Variants in NFATC3 observed in about 807,000 individuals in gnomAD.
The protein encoded by NFATC3 is nuclear factor of activated T-cells, cytoplasmic 3.
NFATC3 carries 46 observed loss-of-function variants against 98.6 expected under a neutral mutation model. That is an observed-to-expected ratio of 0.47 (90% CI 0.37 to 0.60). NFATC3 has a LOEUF of 0.60. NFATC3 is among the 20% of genes least tolerant of loss of function. The pLI is 0.00. For missense variants in NFATC3, 1,256 were observed against 1,295.5 expected (o/e 0.97, Z 0.47); for synonymous variants, 512 against 472.2 (o/e 1.08, Z -1.09).
intron 1 of NFATC3, among the ~76,000 whole-genome samples, chr16:68,108,698 C>T (rs1328070492): frequency 6.6e-6 from 1 of 152,128 alleles, no homozygotes; most frequent in East Asian, 1.9e-4. Context: ...ATTGATTCTT[C>T]CTATCCATGA....
At chr16:68,101,604 C>T (rs954891817) in intron 1 of NFATC3, among the ~76,000 whole-genome samples, 3 of 152,044 alleles carry the variant, frequency 2.0e-5, no homozygotes, top group African/African-American at 4.8e-5. Context: ...TTGTCTCAGC[C>T]TCCCAAGTAG....
At chr16:68,196,836 G>T (rs548273851) in intron 9 of NFATC3, among the ~76,000 whole-genome samples, 6 of 152,116 alleles carry the variant, frequency 3.9e-5, no homozygotes, top group Admixed American at 2.6e-4. Context: ...TTCTCCACCA[G>T]CCTGACCAAC....
chr16:68,170,515 C>T (rs1372609188), intron 5 of NFATC3, among the ~76,000 whole-genome samples: 1 of 133,616 alleles, frequency 7.5e-6, no homozygotes, highest in Non-Finnish European at 1.5e-5. Flanking sequence ...TTTTTTGAGA[C>T]GGAGTCTCCC....
At chr16:68,119,066 A>G (rs1337558679) in intron 1 of NFATC3, among the ~76,000 whole-genome samples, 1 of 151,852 alleles carries the variant, frequency 6.6e-6, no homozygotes, top group Non-Finnish European at 1.5e-5. Flanking sequence ...ATGGGGTTTC[A>G]CCGTGTTAGC....
rs991150939 is a variant in NFATC3 at position 68,085,754 on chromosome 16, G to GCGCCGC, written c.78_83dup (p.Pro28_Pro29dup). 4.7e-6 allele frequency: 7 copies of GCGCCGC among 1,502,944 alleles called. No individual in the cohort carries two copies. In the African/African-American group the frequency reaches 7.3e-5, roughly 16 times the overall value. The allele number at this position is 1,502,944 out of a possible 1,614,324, so 93.1% of individuals were successfully genotyped here. On this transcript the variant is annotated inframe_insertion, in exon 1 of 10. Transcript: ENST00000346183. Reference sequence around the variant, plus strand: ...CGTCTTTGGCGAGGACGGGGCGCCGGCGCCGCCGCCCCCGGGCTCGCGGCC... The same window carrying GCGCCGC: ...CGTCTTTGGCGAGGACGGGGCGCCGGCGCCGCCGCCGCCGCCCCCGGGCTCGCGGCC...
intron 8 of NFATC3, among the ~76,000 whole-genome samples, chr16:68,186,277 G>T (rs542444537): frequency 6.6e-6 from 1 of 151,468 alleles, no homozygotes; most frequent in African/African-American, 2.4e-5. Flanking sequence ...TTGGCCAGGC[G>T]CTGTAGCTCA....
At chr16:68,175,766 G>T (rs937878447) in intron 6 of NFATC3, among the ~76,000 whole-genome samples, 3 of 152,026 alleles carry the variant, frequency 2.0e-5, no homozygotes, top group Non-Finnish European at 4.4e-5. Flanking sequence ...TGCCACCTTG[G>T]CTAGGCTGGT....
chr16:68,181,676 A>G (rs2039954577), intron 7 of NFATC3, 146 bp downstream of exon 7: 1 of 576,128 alleles, frequency 1.7e-6, no homozygotes, highest in Non-Finnish European at 3.1e-6. Flanking sequence ...CATGCCTGTA[A>G]TCCCAGCACT....
At chr16:68,192,251 A>ATATATATATATATATGTATG (rs1427447833) in intron 9 of NFATC3, 6 of 109,114 alleles carry the variant, frequency 5.5e-5, no homozygotes, top group African/African-American at 1.9e-4. Flanking sequence ...ATATATATAT[A>ATATATATATATATATGTATG]TATGTATGTG....
intron 3 of NFATC3, among the ~76,000 whole-genome samples, chr16:68,146,259 A>G (rs1252598593): frequency 1.3e-5 from 2 of 152,062 alleles, no homozygotes; most frequent in Admixed American, 1.3e-4. Context: ...CTATGAGTCT[A>G]ATTATTTAAG....
chr16:68,132,334 A>G (rs954451337), intron 3 of NFATC3, among the ~76,000 whole-genome samples: 8 of 152,310 alleles, frequency 5.3e-5, no homozygotes, highest in Admixed American at 1.3e-4. Context: ...AGATTCTGGT[A>G]TAGTATATAG....
intron 4 of NFATC3, among the ~76,000 whole-genome samples, chr16:68,159,740 G>A (rs1046546295): frequency 1.3e-5 from 2 of 151,660 alleles, no homozygotes; most frequent in African/African-American, 4.8e-5. Flanking sequence ...CTTTCTTAAG[G>A]CAGGAATAAC....
At chr16:68,112,646 G>GTTTTTTTTT (rs914607835) in intron 1 of NFATC3, among the ~76,000 whole-genome samples, 11 of 97,644 alleles carry the variant, frequency 1.1e-4, no homozygotes, top group Non-Finnish European at 1.7e-4. Flanking sequence ...TTTCTTTTTC[G>GTTTTTTTTT]TTTTTTTTTT....
At chr16:68,103,775 T>C in intron 1 of NFATC3, among the ~76,000 whole-genome samples, 1 of 152,186 alleles carries the variant, frequency 6.6e-6, no homozygotes, top group Admixed American at 6.6e-5. Flanking sequence ...AATCCAGTTT[T>C]CCCAGTACCA....
chr16:68,098,289 TTA>T (rs2035129043), intron 1 of NFATC3, among the ~76,000 whole-genome samples: 1 of 125,470 alleles, frequency 8.0e-6, no homozygotes, highest in South Asian at 2.6e-4. Context: ...ATTATTATTA[TTA>T]TTATTATTAT....
chr16:68,092,069 G>A (rs12446198), intron 1 of NFATC3, among the ~76,000 whole-genome samples: 17,953 of 152,164 alleles, frequency 0.12, 1,219 homozygotes, highest in South Asian at 0.2. Flanking sequence ...GGCAATTGGG[G>A]CTCTAAGATT....
At chr16:68,161,618 T>C (rs776401377) in intron 4 of NFATC3, among the ~76,000 whole-genome samples, 13 of 152,232 alleles carry the variant, frequency 8.5e-5, no homozygotes, top group South Asian at 2.1e-4. Flanking sequence ...ATAACAACTT[T>C]ATCACATTTA....
At chr16:68,210,297 CAAAA>C (rs147338164) in intron 9 of NFATC3, among the ~76,000 whole-genome samples, 1 of 107,624 alleles carries the variant, frequency 9.3e-6, no homozygotes. Flanking sequence ...GATTCCTTCT[CAAAA>C]AAAAAAAAAG....
intron 9 of NFATC3, among the ~76,000 whole-genome samples, chr16:68,204,948 A>G (rs569253643): frequency 2.2e-4 from 33 of 150,762 alleles, no homozygotes; most frequent in Non-Finnish European, 3.7e-4. Flanking sequence ...ATAGACTTAG[A>G]TAAATGTGTT....
Sources: gnomAD v4.1 joint callset for allele counts (sites outside exome capture counted in the v4.1 genomes callset) on GRCh38, gnomAD v4.1.1 for gene constraint, MANE v1.5 for transcripts, NCBI Gene and HGNC (gene_info 2026-07-23, HGNC 2026-07-21) for gene names.